KIAA1549: variants seen among roughly 807,000 people sequenced by gnomAD.
The protein encoded by KIAA1549 is KIAA1549.
KIAA1549 carries 70 observed loss-of-function variants against 156.4 expected under a neutral mutation model. That is an observed-to-expected ratio of 0.45 (90% CI 0.37 to 0.55). The LOEUF is 0.55. KIAA1549 is among the 20% of genes least tolerant of loss of function. The pLI, the probability that KIAA1549 is intolerant of heterozygous loss-of-function variation, is 0.00. For synonymous variants in KIAA1549, 1,103 were observed against 1,066.4 expected (o/e 1.03, Z -0.67); for missense variants, 2,428 against 2,540.9 (o/e 0.96, Z 0.96).
Position 138,903,867 on chromosome 7 carries a change from GCGCA to G in KIAA1549, c.3521-135_3521-132del, listed in dbSNP as rs112798693. ...TGTGTGTGTGTGCGCGCGCGCGCGC[GCGCA>G]CATATGTATTTGAAATTAATGCAAG... On this transcript the variant is annotated intron_variant, in intron 7 of 19. Transcript: ENST00000422774. The G allele has an allele frequency of 4.6e-3, 3,146 of 678,880 alleles. 131 individuals carry two copies. In the African/African-American group the frequency reaches 0.06, roughly 13 times the overall value. The allele number at this position is 678,880 out of a possible 1,614,324, so 42.1% of individuals were successfully genotyped here. A position where few individuals can be genotyped will look rare whatever the true frequency, so the allele number is the denominator to read the frequency against.
At chr7:138,906,780 C>T in intron 6 of KIAA1549, 139 bp downstream of exon 6, 1 of 609,986 alleles carries the variant, frequency 1.6e-6, no homozygotes, top group Non-Finnish European at 2.7e-6. Context: ...CCAAATACCA[C>T]CTGTACCCCA....
At chr7:138,919,530 A>G in intron 1 of KIAA1549, 92 bp from the exon 2 acceptor site, 4 of 1,521,352 alleles carry the variant, frequency 2.6e-6, no homozygotes, top group Non-Finnish European at 3.5e-6. Flanking sequence ...CTCATTTAAC[A>G]AACATCCATT....
chr7:138,886,541 C>T (rs754311170), intron 10 of KIAA1549, among the ~76,000 whole-genome samples: 9 of 151,872 alleles, frequency 5.9e-5, no homozygotes, highest in Non-Finnish European at 7.4e-5. Flanking sequence ...CTTCCCAAAG[C>T]GCTGGGACTA....
intron 1 of KIAA1549, among the ~76,000 whole-genome samples, chr7:138,964,302 C>A (rs892381509): frequency 6.6e-6 from 1 of 152,224 alleles, no homozygotes; most frequent in African/African-American, 2.4e-5. Context: ...CAGAGTCATT[C>A]TCTAACCCAG....
intron 1 of KIAA1549, among the ~76,000 whole-genome samples, chr7:138,940,710 A>C (rs1813159207): frequency 6.6e-6 from 1 of 152,144 alleles, no homozygotes; most frequent in Non-Finnish European, 1.5e-5. Flanking sequence ...TGCCATTCTA[A>C]CTGGTGTGAG....
At chr7:138,921,645 T>C (rs1243743184) in intron 1 of KIAA1549, among the ~76,000 whole-genome samples, 1 of 152,104 alleles carries the variant, frequency 6.6e-6, no homozygotes, top group African/African-American at 2.4e-5. Flanking sequence ...GGAGGGCGGA[T>C]CATGAGGTCA....
At chr7:138,841,463 G>A (rs781018559) in intron 18 of KIAA1549, among the ~76,000 whole-genome samples, 2 of 152,256 alleles carry the variant, frequency 1.3e-5, no homozygotes, top group East Asian at 1.9e-4. Context: ...TGTGGCTATG[G>A]AAGCCAGGTA....
intron 16 of KIAA1549, among the ~76,000 whole-genome samples, chr7:138,856,103 C>T (rs1810382737): frequency 6.6e-6 from 1 of 151,464 alleles, no homozygotes; most frequent in African/African-American, 2.4e-5. Context: ...ACTATCTCAG[C>T]TCACTGCAAG....
chr7:138,880,739 G>C (rs1053191062), intron 11 of KIAA1549, among the ~76,000 whole-genome samples: 1 of 152,184 alleles, frequency 6.6e-6, no homozygotes, highest in Non-Finnish European at 1.5e-5. Flanking sequence ...CACAGGGTCA[G>C]AGGGTGAGAA....
intron 17 of KIAA1549, 40 bp downstream of exon 17, chr7:138,852,183 T>C (rs1191255081): frequency 1.4e-6 from 2 of 1,475,886 alleles, no homozygotes; most frequent in Non-Finnish European, 9.4e-7. Context: ...AAACAGCCTA[T>C]GTGAGAAAGT....
At chr7:138,894,244 C>T (rs1811619843) in intron 10 of KIAA1549, 98 bp downstream of exon 10, 2 of 1,173,936 alleles carry the variant, frequency 1.7e-6, no homozygotes, top group South Asian at 2.7e-5. Flanking sequence ...AATAGCCCTC[C>T]CTCTTCCTCA....
intron 14 of KIAA1549, 89 bp downstream of exon 14, chr7:138,869,449 A>C: frequency 9.9e-7 from 1 of 1,005,416 alleles, no homozygotes; most frequent in East Asian, 2.6e-5. Context: ...CAGGCCCTGC[A>C]GTAGCAGAGG....
In KIAA1549 at chr7:138,918,385, G is replaced by A. The variant is rs764901143; in HGVS notation, c.1241C>T (p.Ser414Leu). The change falls in exon 2 of 20, where the codon TCA becomes TTA. Residue 414 changes from serine (S) to leucine (L), a missense_variant. Coordinates refer to ENST00000422774, the MANE Select transcript of KIAA1549 (RefSeq NM_001164665.2). The surrounding 1 kb of genome is among the most constrained non-coding windows in gnomAD (Gnocchi z 4.2). ...DNTHILSPVS[S>L]FRPYTWCAAC... is the part of the protein sequence containing the mutation. ...CGCACACCAAGTGTATGGTCTGAAT[G>A]AGGACACCGGGCTCAGGATATGAGT... 1.2e-6 allele frequency: 2 copies of A among 1,614,000 alleles called. No individual in the cohort carries two copies. The highest frequency in any genetic ancestry group is 1.7e-6 in the Non-Finnish European group (2 of 1,179,888).
chr7:138,882,790 A>C (rs1363384678), intron 10 of KIAA1549, among the ~76,000 whole-genome samples: 4 of 152,122 alleles, frequency 2.6e-5, no homozygotes, highest in African/African-American at 9.7e-5. Flanking sequence ...AAACCGAAGG[A>C]GAAAGGGCTC....
rs778761658 is a variant in KIAA1549 at position 138,911,312 on chromosome 7, T to C, written c.2979A>G (p.Leu993=). The C allele has an allele frequency of 6.3e-7, 1 of 1,591,738 alleles. No homozygotes were observed. The highest frequency in any genetic ancestry group is 8.6e-7 in the Non-Finnish European group (1 of 1,167,402). Residue 993 remains leucine, a synonymous_variant, in exon 4 of 20, where the codon CTA becomes CTG. Coordinates refer to ENST00000422774, the MANE Select transcript of KIAA1549 (RefSeq NM_001164665.2). The part of the protein sequence containing the change: ...NRAVELKVYE[L]FTDFTFLVTS... The stretch of plus-strand genomic sequence containing the variant: ...TTACCAGAAAAGTGAAGTCAGTAAA[T>C]AGTTCGTAAACCTAGGGAAATAAGA...
chr7:138,861,379 C>T lies in KIAA1549; in HGVS notation c.5007G>A (p.Pro1669=), dbSNP rs767343156. 12 of 1,610,954 alleles carry T rather than the reference C, an allele frequency of 7.4e-6. No individual in the cohort carries two copies. Among genetic ancestry groups the T allele is most frequent in the South Asian group, 4.4e-5 (4 of 90,604 alleles). ...ELGRYPALPF[P]ASQYIPPQPS... ...GCTGGGGTGGGATGTACTGGGAGGC[C>T]GGGAAGGGAAGGGCTGGATACCTCC... The change falls in exon 16 of 20, where the codon CCG becomes CCA. Residue 1669 remains proline, a synonymous_variant. Transcript: ENST00000422774.
chr7:138,839,461 C>G (rs556551103), intron 19 of KIAA1549, among the ~76,000 whole-genome samples: 2 of 152,122 alleles, frequency 1.3e-5, no homozygotes, highest in African/African-American at 4.8e-5. Flanking sequence ...TACAAAATTA[C>G]CTACACATGG....
chr7:138,870,918 A>G (rs1810910713), intron 13 of KIAA1549, among the ~76,000 whole-genome samples: 1 of 152,114 alleles, frequency 6.6e-6, no homozygotes. Flanking sequence ...CCCGGGTTCA[A>G]GTGATTCTCC....
intron 10 of KIAA1549, among the ~76,000 whole-genome samples, chr7:138,889,635 G>A (rs527335494): frequency 1.3e-5 from 2 of 152,276 alleles, no homozygotes; most frequent in East Asian, 1.9e-4. Flanking sequence ...AAAACGGCAC[G>A]TGTCATAAAT....
Sources: gnomAD v4.1 joint callset for allele counts (sites outside exome capture counted in the v4.1 genomes callset) on GRCh38, gnomAD v4.1.1 for gene constraint, Gnocchi (gnomAD v3.1) non-coding constraint, MANE v1.5 for transcripts, NCBI Gene and HGNC (gene_info 2026-07-23, HGNC 2026-07-21) for gene names.